The following GGA2 variants were observed in gnomAD, a reference collection of about 807,000 sequenced individuals.
The protein encoded by GGA2 is ADP-ribosylation factor-binding protein GGA2.
Under a neutral mutation model 79.5 loss-of-function variants are expected in GGA2, and 48 were observed. The ratio of observed to expected loss-of-function variants is 0.60; its 90% CI spans 0.48 to 0.77. The LOEUF is 0.77. GGA2 is among the 30% of genes least tolerant of loss of function. The pLI, the probability that GGA2 is intolerant of heterozygous loss-of-function variation, is 0.00. For missense variants in GGA2, 770 were observed against 774.0 expected (o/e 0.99, Z 0.06); for synonymous variants, 317 against 302.0 (o/e 1.05, Z -0.51).
chr16:23,492,044 T>C (rs1445165996), intron 4 of GGA2, among the ~76,000 whole-genome samples: 1 of 152,176 alleles, frequency 6.6e-6, no homozygotes, highest in Non-Finnish European at 1.5e-5. Flanking sequence ...CAGAGCCTGT[T>C]CTACACCACT....
intron 1 of GGA2, among the ~76,000 whole-genome samples, chr16:23,500,730 A>C (rs575062412): frequency 6.6e-6 from 1 of 152,388 alleles, no homozygotes; most frequent in South Asian, 2.1e-4. Flanking sequence ...CGGAGGTGGC[A>C]GTAGCGCCAC....
chr16:23,505,468 C>A (rs182750421), intron 1 of GGA2, among the ~76,000 whole-genome samples: 2 of 152,274 alleles, frequency 1.3e-5, no homozygotes, highest in East Asian at 3.9e-4. Flanking sequence ...GCGGCTACAT[C>A]TGCAGTCATG....
chr16:23,510,759 T>TC, upstream of GGA2, among the ~76,000 whole-genome samples: 1 of 152,296 alleles, frequency 6.6e-6, no homozygotes, highest in African/African-American at 2.4e-5. Context: ...CAGGCTGGAG[T>TC]CCAATGGCGC....
At position 23,465,563 on chromosome 16, in the gene GGA2, T is replaced by C. The variant is rs1166100378; in HGVS notation, c.*2027A>G. On this transcript the variant is annotated 3_prime_UTR_variant, in exon 17 of 17. Transcript: ENST00000309859. ...TTTATGTATAAGTCTCATTCACCCA[T>C]TTTGACCAAAACCCTTCAGAGGGAG... 3.6e-5 allele frequency: 22 copies of C among 618,396 alleles called. No homozygotes were observed. In the East Asian group the frequency reaches 5.7e-4, roughly 16 times the overall value. 38.3% of individuals were successfully genotyped at this position (618,396 alleles called of 1,614,324 possible).
At position 23,469,996 on chromosome 16, in the gene GGA2, C is replaced by G. The variant is rs775567103; in HGVS notation, c.1620G>C (p.Lys540Asn). The G allele has an allele frequency of 1.6e-5, 25 of 1,542,622 alleles. No individual in the cohort carries two copies. The East Asian group carries it at 5.5e-4, about 34-fold the overall frequency. Residue 540 changes from lysine (K) to asparagine (N), a missense_variant and splice_region_variant, in exon 15 of 17, where the codon AAG becomes AAC. By Grantham distance (94) the Lys-to-Asn change is moderately conservative. Transcript: ENST00000309859. ...WDIMFQVAVP[K>N]SMRVKLQPAS... ...GAGAAATCCCCAACAGATGACTCAC[C>G]TTTGGCACAGCCACTTGAAACATGA...
chr16:23,519,526 G>C (rs112413569), intron 2 of GGA2: 3 of 339,700 alleles, frequency 8.8e-6, no homozygotes, highest in Non-Finnish European at 1.2e-5. Context: ...TCTCCCCTGC[G>C]AGTTTGTATG....
intron 14 of GGA2, among the ~76,000 whole-genome samples, chr16:23,472,821 T>G (rs928271225): frequency 8.6e-5 from 13 of 151,258 alleles, no homozygotes; most frequent in Non-Finnish European, 1.6e-4. Flanking sequence ...GATCACGAGG[T>G]CAAGAGATCG....
intron 13 of GGA2, among the ~76,000 whole-genome samples, chr16:23,477,701 C>T (rs1964592057): frequency 6.6e-6 from 1 of 151,736 alleles, no homozygotes; most frequent in Non-Finnish European, 1.5e-5. Flanking sequence ...GAGCTGAGAT[C>T]GCGCCACTGC....
chr16:23,476,336 T>A (rs1371926981), intron 13 of GGA2, among the ~76,000 whole-genome samples: 1 of 152,162 alleles, frequency 6.6e-6, no homozygotes, highest in Admixed American at 6.5e-5. Context: ...ATCAGGAACA[T>A]GGGCACTTTC....
In GGA2 at chr16:23,478,412, C is replaced by G. The variant is rs1415518292; in HGVS notation, c.1248G>C (p.Arg416Ser). Residue 416 changes from arginine to serine, a missense_variant, in exon 13 of 17, where the codon AGG becomes AGC. By Grantham distance (110) the Arg-to-Ser change is moderately radical (BLOSUM62 -1). Transcript: ENST00000309859. Reference sequence around the variant, plus strand: ...GTGCTGAGAGGAGGTCCAGCAAATTCCTGTCTGCAGAAGGGTTCTGAACAC... The same window carrying G: ...GTGCTGAGAGGAGGTCCAGCAAATTGCTGTCTGCAGAAGGGTTCTGAACAC... ...GGGVQNPSAD[R>S]NLLDLLSAQP... The G allele has an allele frequency of 6.2e-7, 1 of 1,610,946 alleles. No individual in the cohort carries two copies. The highest frequency in any genetic ancestry group is 1.1e-5 in the South Asian group (1 of 90,748).
Position 23,493,398 on chromosome 16 carries a change from G to A in GGA2, c.313C>T (p.Arg105Cys), listed in dbSNP as rs143003037. The A allele has an allele frequency of 6.0e-5, 97 of 1,612,738 alleles. No homozygotes were observed. The highest frequency in any genetic ancestry group is 7.4e-5 in the Non-Finnish European group (87 of 1,178,740). Reference protein sequence around the residue: ...EKFHSEVAKFRFLNELIKVLS... With the variant: ...EKFHSEVAKFCFLNELIKVLS... ...ACTTTGATCAGTTCGTTCAGGAAAC[G>A]AAATTTGGCCACCTCGCTGTGGAAC... Residue 105 changes from arginine to cysteine, a missense_variant, in exon 4 of 17, where the codon CGT (arginine) becomes TGT (cysteine). Transcript: ENST00000309859.
At chr16:23,508,738 G>A (rs1310320400) in intron 1 of GGA2, among the ~76,000 whole-genome samples, 1 of 152,054 alleles carries the variant, frequency 6.6e-6, no homozygotes, top group Non-Finnish European at 1.5e-5. Context: ...CTCCCAAACC[G>A]TACGTCCCAC....
At chr16:23,510,760 C>T (rs1419149547), upstream of GGA2, among the ~76,000 whole-genome samples, 1 of 152,166 alleles carries the variant, frequency 6.6e-6, no homozygotes, top group Non-Finnish European at 1.5e-5. Flanking sequence ...AGGCTGGAGT[C>T]CAATGGCGCG....
At chr16:23,484,846 C>T (rs1048830121) in intron 8 of GGA2, among the ~76,000 whole-genome samples, 2 of 152,186 alleles carry the variant, frequency 1.3e-5, no homozygotes, top group Admixed American at 6.5e-5. Context: ...CAAGATCCAG[C>T]AATTCCATTT....
At chr16:23,510,694 G>C (rs902721057), upstream of GGA2, among the ~76,000 whole-genome samples, 2 of 152,238 alleles carry the variant, frequency 1.3e-5, no homozygotes, top group Non-Finnish European at 2.9e-5. Context: ...AGAAGAACAC[G>C]AATAATTCTT....
intron 5 of GGA2, among the ~76,000 whole-genome samples, chr16:23,491,306 CAAAAAAAAAAAA>C (rs35347154): frequency 7.5e-5 from 5 of 66,506 alleles, no homozygotes; most frequent in Non-Finnish European, 1.3e-4. Flanking sequence ...CACCTTGTCT[CAAAAAAAAAAAA>C]AAAAAAAAAA....
chr16:23,472,629 G>A (rs1964525491), intron 14 of GGA2, among the ~76,000 whole-genome samples: 1 of 151,532 alleles, frequency 6.6e-6, no homozygotes, highest in Admixed American at 6.6e-5. Context: ...GATGGCTTGA[G>A]CCTGGAGGAT....
upstream of GGA2, chr16:23,522,826 C>T (rs1326179317): frequency 6.6e-6 from 1 of 152,198 alleles, no homozygotes; most frequent in Non-Finnish European, 1.5e-5. Context: ...ATAGAGGTCA[C>T]AAGCGAGATC....
At chr16:23,519,165 C>T (rs547869626) in intron 2 of GGA2, among the ~76,000 whole-genome samples, 1 of 151,888 alleles carries the variant, frequency 6.6e-6, no homozygotes, top group South Asian at 2.1e-4. Context: ...ACCTCAGCCA[C>T]GCCAGTAGCT....
Sources: allele counts gnomAD v4.1 joint callset (sites outside exome capture counted in the v4.1 genomes callset), GRCh38; gene constraint gnomAD v4.1.1; transcripts MANE v1.5; gene names NCBI Gene and HGNC (gene_info 2026-07-23, HGNC 2026-07-21).